Variants in MAP2K5 observed in about 807,000 individuals in gnomAD.
MAP2K5 encodes mitogen-activated protein kinase kinase 5, also known as dual specificity mitogen-activated protein kinase kinase 5.
A neutral mutation model predicts 83.1 loss-of-function variants in MAP2K5; 49 were observed. That is an observed-to-expected ratio of 0.59 (90% CI 0.47 to 0.75). The LOEUF is 0.75. MAP2K5 is among the 30% of genes least tolerant of loss of function. MAP2K5 has a pLI of 0.00. For synonymous variants in MAP2K5, 202 were observed against 191.8 expected (o/e 1.05, Z -0.44); for missense variants, 457 against 557.5 (o/e 0.82, Z 1.82).
rs2090402094 is a variant in MAP2K5 at position 67,785,593 on chromosome 15, C to T, written c.1242+12841C>T. On this transcript the variant is annotated intron_variant, in intron 21 of 21. Coordinates refer to ENST00000178640, the MANE Select transcript of MAP2K5 (RefSeq NM_145160.3). The surrounding 1 kb of genome is among the most constrained non-coding windows in gnomAD (Gnocchi z 4.4). ...CATCTTGAAGGGAGAGGGGAAACAG[C>T]AAGGAGAAGACAACCCACAGATGTC... 6.6e-6 allele frequency among the ~76,000 whole-genome samples: 1 copy of T among 152,104 alleles called. No individual in the cohort carries two copies. Among genetic ancestry groups the T allele is most frequent in the Non-Finnish European group, 1.5e-5 (1 of 68,042 alleles).
chr15:67,725,605 T>A (rs1596863173), intron 16 of MAP2K5, among the ~76,000 whole-genome samples: 1 of 152,160 alleles, frequency 6.6e-6, no homozygotes, highest in Non-Finnish European at 1.5e-5. Context: ...CTGTGGAAGG[T>A]CTTGAGCTAG....
intron 13 of MAP2K5, among the ~76,000 whole-genome samples, chr15:67,682,621 CA>C (rs1475779118): frequency 6.6e-6 from 1 of 151,298 alleles, no homozygotes; most frequent in Non-Finnish European, 1.5e-5. Context: ...ATCATGAGGT[CA>C]GGAGATCAAG....
Position 67,573,660 on chromosome 15 carries a change from A to G in MAP2K5, c.253-7094A>G, listed in dbSNP as rs902572936. The stretch of plus-strand genomic sequence containing the variant: ...CCCAGGAAGTCAGGCATTCTTAGTT[A>G]CAGGATGTTTAGAGTTAAGGGAACA... On this transcript the variant is annotated intron_variant, in intron 3 of 21. Coordinates refer to ENST00000178640, the MANE Select transcript of MAP2K5 (RefSeq NM_145160.3). This position sits in a 1 kb window ranked among gnomAD's most constrained non-coding sequence, Gnocchi z 4.2. Among the ~76,000 whole-genome samples the G allele has an allele frequency of 6.6e-6, 1 of 152,172 alleles. No homozygotes were observed. Among genetic ancestry groups the G allele is most frequent in the Admixed American group, 6.5e-5 (1 of 15,286 alleles).
At chr15:67,703,188 C>CAT (rs2088465300) in intron 15 of MAP2K5, 149 bp from the exon 16 acceptor site, 1 of 593,828 alleles carries the variant, frequency 1.7e-6, no homozygotes, top group African/African-American at 1.9e-5. Context: ...TGCACAAATA[C>CAT]ATATATACAC....
chr15:67,595,342 G>A (rs529884719), intron 7 of MAP2K5, among the ~76,000 whole-genome samples: 1 of 152,286 alleles, frequency 6.6e-6, no homozygotes, highest in African/African-American at 2.4e-5. Context: ...ATTAGTCTCT[G>A]CTCTATAAAG....
chr15:67,694,999 T>C (rs1033417203), intron 15 of MAP2K5, among the ~76,000 whole-genome samples: 2 of 151,582 alleles, frequency 1.3e-5, no homozygotes, highest in Non-Finnish European at 2.9e-5. Flanking sequence ...CTCAGTAAAC[T>C]ATTGCAAGAA....
rs1256230116 is a variant in MAP2K5, at chr15:67,750,851, G to A, written c.1134+2250G>A. ...GCTTGGGAGTGGGATTTACCCCGTT[G>A]TGAAGTGGGTATCTGTTGCTAGTAT... On this transcript the variant is annotated intron_variant, in intron 19 of 21. Coordinates refer to ENST00000178640, the MANE Select transcript of MAP2K5 (RefSeq NM_145160.3). This position sits in a 1 kb window ranked among gnomAD's most constrained non-coding sequence, Gnocchi z 4.2. Among the ~76,000 whole-genome samples, 1 of 152,062 alleles carries A rather than the reference G, an allele frequency of 6.6e-6. No individual in the cohort carries two copies. Among genetic ancestry groups the A allele is most frequent in the East Asian group, 1.9e-4 (1 of 5,184 alleles).
intron 9 of MAP2K5, among the ~76,000 whole-genome samples, chr15:67,635,981 A>G (rs1408182422): frequency 6.6e-6 from 1 of 151,128 alleles, no homozygotes; most frequent in African/African-American, 2.4e-5. Flanking sequence ...TTTTGTTTTT[A>G]TAAATAAAGA....
At chr15:67,651,280 A>G (rs911872762) in intron 11 of MAP2K5, among the ~76,000 whole-genome samples, 1 of 152,230 alleles carries the variant, frequency 6.6e-6, no homozygotes, top group Non-Finnish European at 1.5e-5. Flanking sequence ...GAGTACATGC[A>G]TAATAATATT....
chr15:67,647,853 A>C (rs544147717), intron 11 of MAP2K5, among the ~76,000 whole-genome samples: 12 of 152,060 alleles, frequency 7.9e-5, no homozygotes, highest in African/African-American at 2.9e-4. Context: ...TGGGTGACAA[A>C]GTGAGACTCT....
At chr15:67,699,810 C>T (rs546200358) in intron 15 of MAP2K5, among the ~76,000 whole-genome samples, 35 of 152,188 alleles carry the variant, frequency 2.3e-4, no homozygotes, top group Non-Finnish European at 4.0e-4. Flanking sequence ...CTAAACAAAA[C>T]TTCTAGATTA....
At chr15:67,550,119 T>C (rs371118795) in intron 2 of MAP2K5, 37 bp downstream of exon 2, 2 of 1,577,914 alleles carry the variant, frequency 1.3e-6, no homozygotes, top group African/African-American at 2.7e-5. Context: ...ACTATTCCTT[T>C]CTGCAGTCAT....
rs1031285819 is a variant in MAP2K5, at chr15:67,794,641, A to G, written c.1243-12005A>G. On this transcript the variant is annotated intron_variant, in intron 21 of 21. Coordinates refer to ENST00000178640, the MANE Select transcript of MAP2K5 (RefSeq NM_145160.3). The surrounding 1 kb of genome is among the most constrained non-coding windows in gnomAD (Gnocchi z 4.6). ...GTAACTCTGGAACATCACAGCTGAA[A>G]AAAAAAAAAAAAAAAAGACGGTACT... is the stretch of plus-strand genomic sequence containing the variant. Among the ~76,000 whole-genome samples, 40 of 55,380 alleles carry G rather than the reference A, an allele frequency of 7.2e-4. No homozygotes were observed. Among genetic ancestry groups the G allele is most frequent in the Non-Finnish European group, 1.1e-3 (33 of 30,708 alleles). The allele number at this position is 55,380 out of a possible 152,430, so 36.3% of individuals were successfully genotyped here. A position where few individuals can be genotyped will look rare whatever the true frequency, so the allele number is the denominator to read the frequency against.
chr15:67,571,495 C>T (rs542155291), intron 3 of MAP2K5, among the ~76,000 whole-genome samples: 15 of 152,244 alleles, frequency 9.9e-5, no homozygotes, highest in African/African-American at 1.7e-4. Flanking sequence ...ATATCTCAGT[C>T]GCCTTGTTTT....
intron 16 of MAP2K5, among the ~76,000 whole-genome samples, chr15:67,712,637 G>C (rs773103296): frequency 1.3e-5 from 2 of 152,096 alleles, no homozygotes; most frequent in South Asian, 2.1e-4. Flanking sequence ...GAACCAAGTC[G>C]GCCAGGTGCA....
chr15:67,597,320 A>G (rs988932368), intron 7 of MAP2K5, among the ~76,000 whole-genome samples: 1 of 152,208 alleles, frequency 6.6e-6, no homozygotes, highest in African/African-American at 2.4e-5. Context: ...AATTTCTTTT[A>G]ACTTGTGTCT....
rs927557984 is a variant in MAP2K5 at position 67,758,186 on chromosome 15, C to G, written c.1134+9585C>G. The stretch of plus-strand genomic sequence containing the variant: ...AGATGGATTAGAAAGGACATTGAAG[C>G]TGTAGTTCTGATCAGAAATTGGAGG... On this transcript the variant is annotated intron_variant, in intron 19 of 21. Coordinates refer to ENST00000178640, the MANE Select transcript of MAP2K5 (RefSeq NM_145160.3). This position sits in a 1 kb window ranked among gnomAD's most constrained non-coding sequence, Gnocchi z 4.7. Among the ~76,000 whole-genome samples, 2 of 152,082 alleles carry G rather than the reference C, an allele frequency of 1.3e-5. No homozygotes were observed. The highest frequency in any genetic ancestry group is 2.9e-5 in the Non-Finnish European group (2 of 68,016).
In MAP2K5 at chr15:67,780,653, A is replaced by G. The variant is rs62015217; in HGVS notation, c.1242+7901A>G. Among the ~76,000 whole-genome samples, 12,651 of 152,308 alleles carry G rather than the reference A, an allele frequency of 0.083. 698 individuals carry two copies. The highest frequency in any genetic ancestry group is 0.1 in the Admixed American group (1,585 of 15,298). The stretch of plus-strand genomic sequence containing the variant: ...TGGCCACGCTAGAATACATGGCCAG[A>G]TAAAAAAGGTTTTTGTTTGACCTCC... On this transcript the variant is annotated intron_variant, in intron 21 of 21. Transcript: ENST00000178640. The surrounding 1 kb of genome is among the most constrained non-coding windows in gnomAD (Gnocchi z 5.0).
At chr15:67,662,826 C>T (rs2141149869) in intron 12 of MAP2K5, among the ~76,000 whole-genome samples, 1 of 152,172 alleles carries the variant, frequency 6.6e-6, no homozygotes, top group Admixed American at 6.5e-5. Context: ...CCTTGACCTG[C>T]CCTTTTAATA....
Sources: allele counts gnomAD v4.1 joint callset (sites outside exome capture counted in the v4.1 genomes callset), GRCh38; gene constraint gnomAD v4.1.1; non-coding constraint Gnocchi (gnomAD v3.1); transcripts MANE v1.5; gene names NCBI Gene and HGNC (gene_info 2026-07-23, HGNC 2026-07-21).